The following FBXL13 variants were observed in gnomAD, a reference collection of about 807,000 sequenced individuals.
FBXL13 encodes the protein F-box and leucine-rich repeat protein 13.
Under a neutral mutation model 83.6 loss-of-function variants are expected in FBXL13, and 67 were observed. The observed-to-expected ratio is 0.80, with a 90% CI of 0.66 to 0.98. FBXL13 has a LOEUF of 0.98. Ranked by LOEUF, FBXL13 falls within the 50% of genes least tolerant of loss-of-function variation. FBXL13 has a pLI of 0.00. For missense variants in FBXL13, 822 were observed against 866.5 expected (o/e 0.95, Z 0.64); for synonymous variants, 272 against 299.5 (o/e 0.91, Z 0.95).
At chr7:102,846,692 C>A (rs931749335) in intron 17 of FBXL13, among the ~76,000 whole-genome samples, 1 of 151,548 alleles carries the variant, frequency 6.6e-6, no homozygotes, top group Non-Finnish European at 1.5e-5. Flanking sequence ...CCTAATTAAT[C>A]ATCTAAGCTC....
intron 17 of FBXL13, among the ~76,000 whole-genome samples, chr7:102,850,839 C>A (rs17136113): frequency 6.6e-6 from 1 of 151,996 alleles, no homozygotes; most frequent in Non-Finnish European, 1.5e-5. Flanking sequence ...CATTAGTATC[C>A]CTGGTCTAAA....
rs376092101 is a variant in FBXL13, at chr7:102,883,285, A to G, written c.1388+20T>C. ...TAGATAATCAACGTTTCTTGAATAT[A>G]TTACTGAATGACTCATTACCTTACA... On this transcript the variant is annotated intron_variant, in intron 14 of 19. Transcript: ENST00000313221. 38 of 1,598,906 alleles carry G rather than the reference A, an allele frequency of 2.4e-5. No individual in the cohort carries two copies. Among genetic ancestry groups the G allele is most frequent in the Non-Finnish European group, 3.0e-5 (35 of 1,174,746 alleles).
chr7:102,934,080 T>G (rs1819774744), intron 8 of FBXL13: 1 of 1,614,092 alleles, frequency 6.2e-7, no homozygotes, highest in East Asian at 2.2e-5. Flanking sequence ...CCGTGTGACG[T>G]GTACACATAT....
chr7:103,003,745 A>AT (rs1381780098), intron 6 of FBXL13, among the ~76,000 whole-genome samples: 5 of 151,718 alleles, frequency 3.3e-5, no homozygotes, highest in Non-Finnish European at 5.9e-5. Context: ...CACCTGGCTA[A>AT]TTTTTTTATT....
At chr7:103,060,020 T>TTATATATACA (rs1797707556) in intron 1 of FBXL13, among the ~76,000 whole-genome samples, 1 of 50,080 alleles carries the variant, frequency 2.0e-5, no homozygotes, top group Admixed American at 3.2e-4. Flanking sequence ...GCAAGATATT[T>TTATATATACA]TATATATATA....
chr7:102,815,816 G>A (rs1424537097), intron 19 of FBXL13, among the ~76,000 whole-genome samples: 2 of 151,994 alleles, frequency 1.3e-5, no homozygotes, highest in African/African-American at 4.8e-5. Flanking sequence ...GAGTCCTATG[G>A]TTGCTCAGTC....
chr7:102,870,253 T>C (rs942380210), intron 16 of FBXL13, among the ~76,000 whole-genome samples: 1 of 152,198 alleles, frequency 6.6e-6, no homozygotes, highest in Non-Finnish European at 1.5e-5. Flanking sequence ...AGAGATAATA[T>C]ACAGCACATT....
intron 2 of FBXL13, among the ~76,000 whole-genome samples, chr7:103,039,797 G>A (rs888539804): frequency 6.6e-6 from 1 of 151,856 alleles, no homozygotes; most frequent in Non-Finnish European, 1.5e-5. Context: ...GTCACCACCA[G>A]GCCTGCATTA....
At chr7:102,949,070 ATT>A (rs1822997091) in intron 8 of FBXL13, among the ~76,000 whole-genome samples, 1 of 152,130 alleles carries the variant, frequency 6.6e-6, no homozygotes, top group Non-Finnish European at 1.5e-5. Context: ...TGGTATAAGG[ATT>A]ACAACTGTTG....
At position 102,921,509 on chromosome 7, in the gene FBXL13, G is replaced by A. The variant is rs373516622; in HGVS notation, c.878+4765C>T. On this transcript the variant is annotated intron_variant, in intron 10 of 19. Transcript: ENST00000313221. ...AGCCTGGCCAATGTGGTGAAACCCT[G>A]TCTCTACTAAAAATACAAAAATTAG... 1.4e-4 allele frequency among the ~76,000 whole-genome samples: 22 copies of A among 151,848 alleles called. 1 individual carries two copies. In the South Asian group the frequency reaches 4.6e-3, roughly 32 times the overall value.
At chr7:102,918,858 C>A (rs1055327888) in intron 10 of FBXL13, among the ~76,000 whole-genome samples, 6 of 152,108 alleles carry the variant, frequency 3.9e-5, no homozygotes, top group African/African-American at 1.4e-4. Flanking sequence ...TACTCTTTTT[C>A]TATGTTTATG....
intron 8 of FBXL13, among the ~76,000 whole-genome samples, chr7:102,950,985 A>G (rs535435154): frequency 2.0e-5 from 3 of 152,164 alleles, no homozygotes; most frequent in Non-Finnish European, 4.4e-5. Flanking sequence ...CTAAGAGTGA[A>G]CCCTATATAA....
intron 1 of FBXL13, among the ~76,000 whole-genome samples, chr7:103,060,045 T>TAC (rs1563286507): frequency 4.0e-5 from 4 of 98,958 alleles, no homozygotes; most frequent in African/African-American, 1.9e-4. Context: ...TATATATATA[T>TAC]ATATATATAT....
chr7:102,842,156 C>G (rs1251289623), intron 17 of FBXL13, among the ~76,000 whole-genome samples: 1 of 152,184 alleles, frequency 6.6e-6, no homozygotes, highest in East Asian at 1.9e-4. Flanking sequence ...CGTTCCACCT[C>G]CCCATACAAG....
Position 102,827,681 on chromosome 7 carries a change from G to A in FBXL13, c.1854+5159C>T, listed in dbSNP as rs867621210. Among the ~76,000 whole-genome samples, 8 of 151,262 alleles carry A rather than the reference G, an allele frequency of 5.3e-5. 1 individual carries two copies. Among genetic ancestry groups the A allele is most frequent in the Admixed American group, 2.6e-4 (4 of 15,174 alleles). On this transcript the variant is annotated intron_variant, in intron 18 of 19. Transcript: ENST00000313221. ...CGTAATGCTATTCCTCCCCCCTCCC[G>A]CCACCCCACAACAGGCCATGGTGTG... is the stretch of plus-strand genomic sequence containing the variant.
At position 102,955,061 on chromosome 7, in the gene FBXL13, C is replaced by A. The variant is rs563921801; in HGVS notation, c.724+8472G>T. The stretch of plus-strand genomic sequence containing the variant: ...GCAGACCTAATAGACAACTACAGAA[C>A]TCTCCATCCCAAATCAACAGAATAT... On this transcript the variant is annotated intron_variant, in intron 8 of 19. Transcript: ENST00000313221. Among the ~76,000 whole-genome samples, 111 of 152,272 alleles carry A rather than the reference C, an allele frequency of 7.3e-4. 1 individual carries two copies. Among genetic ancestry groups the A allele is most frequent in the African/African-American group, 2.6e-3 (109 of 41,548 alleles).
At chr7:102,944,800 A>G (rs765868788) in intron 8 of FBXL13, 49 of 527,498 alleles carry the variant, frequency 9.3e-5, no homozygotes, top group Non-Finnish European at 1.5e-4. Flanking sequence ...TTGCCTGTCC[A>G]TTTGTGGAAC....
At chr7:103,010,649 TC>T (rs142781286) in intron 6 of FBXL13, among the ~76,000 whole-genome samples, 2 of 151,738 alleles carry the variant, frequency 1.3e-5, no homozygotes, top group African/African-American at 4.8e-5. Context: ...AGAGTATGAA[TC>T]CCCCTGGGGG....
intron 18 of FBXL13, among the ~76,000 whole-genome samples, chr7:102,824,859 A>C (rs772979746): frequency 4.7e-5 from 7 of 149,516 alleles, no homozygotes; most frequent in Admixed American, 2.7e-4. Flanking sequence ...CCTGGGCTCA[A>C]GCTGTCTTCT....
Sources: gnomAD v4.1 joint callset for allele counts (sites outside exome capture counted in the v4.1 genomes callset) on GRCh38, gnomAD v4.1.1 for gene constraint, MANE v1.5 for transcripts, NCBI Gene and HGNC (gene_info 2026-07-23, HGNC 2026-07-21) for gene names.